The following SLIT3 variants were observed in gnomAD, a reference collection of about 807,000 sequenced individuals.
SLIT3 encodes slit guidance ligand 3.
SLIT3 carries 68 observed loss-of-function variants against 184.0 expected under a neutral mutation model. That is an observed-to-expected ratio of 0.37 (90% CI 0.30 to 0.45). SLIT3 has a LOEUF of 0.45. Among genes scored for constraint, SLIT3 ranks in the 20% least tolerant of loss-of-function variants. SLIT3 has a pLI of 1.00. For synonymous variants in SLIT3, 831 were observed against 828.6 expected, an observed-to-expected ratio of 1.00 and a Z score of -0.05; for missense variants, 1,707 against 2,026.0, an observed-to-expected ratio of 0.84 and a Z score of 3.02.
chr5:169,000,569 A>C (rs1413252051), intron 4 of SLIT3, among the ~76,000 whole-genome samples: 1 of 151,954 alleles, frequency 6.6e-6, no homozygotes, highest in African/African-American at 2.4e-5. Flanking sequence ...TCTTATGTAA[A>C]ACAAAAATTT....
chr5:169,298,770 G>A (rs1381470750), intron 1 of SLIT3, among the ~76,000 whole-genome samples: 1 of 152,220 alleles, frequency 6.6e-6, no homozygotes, highest in Non-Finnish European at 1.5e-5. Flanking sequence ...GCACGACCTT[G>A]AGTAAATGAC....
At chr5:168,879,755 A>C (rs982354483) in intron 5 of SLIT3, among the ~76,000 whole-genome samples, 1 of 152,190 alleles carries the variant, frequency 6.6e-6, no homozygotes, top group Non-Finnish European at 1.5e-5. Flanking sequence ...ATGCTGACAG[A>C]AGACTTGACA....
chr5:169,069,671 A>T (rs1426127092), intron 4 of SLIT3, among the ~76,000 whole-genome samples: 1 of 152,188 alleles, frequency 6.6e-6, no homozygotes, highest in Non-Finnish European at 1.5e-5. Flanking sequence ...ATGTTTATAC[A>T]TCATGACCCA....
chr5:169,275,476 C>G (rs563144787), intron 1 of SLIT3, among the ~76,000 whole-genome samples: 1 of 152,300 alleles, frequency 6.6e-6, no homozygotes, highest in South Asian at 2.1e-4. Context: ...GTGTCACATA[C>G]AGCATTGGAA....
Position 169,301,096 on chromosome 5 carries a change from G to T in SLIT3, c.-387C>A. ...GCGCGGCGGCTGCGGCTGGGGCACG[G>T]GGCGGCCGGGTGAGCTGGCCGGCGC... On this transcript the variant is annotated 5_prime_UTR_variant, in exon 1 of 36. Coordinates refer to ENST00000519560, the MANE Select transcript of SLIT3 (RefSeq NM_003062.4). 6.5e-6 allele frequency: 1 copy of T among 153,580 alleles called. No homozygotes were observed. The highest frequency in any genetic ancestry group is 1.8e-4 in the South Asian group (1 of 5,432). The allele number at this position is 153,580 out of a possible 1,614,324, so 9.5% of individuals were successfully genotyped here. A position where few individuals can be genotyped will look rare whatever the true frequency, so the allele number is the denominator to read the frequency against.
intron 33 of SLIT3, 38 bp from the exon 34 acceptor site, chr5:168,671,521 T>TCC (rs1561866580): frequency 6.3e-7 from 1 of 1,578,196 alleles, no homozygotes; most frequent in South Asian, 1.2e-5. Context: ...CTGAAGACCC[T>TCC]CCCCTGCCAC....
rs142864112 is a variant in SLIT3, at chr5:169,082,790, G to A, written c.413+110689C>T. 5.3e-4 allele frequency among the ~76,000 whole-genome samples: 80 copies of A among 152,196 alleles called. 2 individuals carry two copies. The Middle Eastern group carries it at 0.014, about 26-fold the overall frequency. The stretch of plus-strand genomic sequence containing the variant: ...TTGTAAGAGCCATTGTTTATCTTTC[G>A]ACCTTACATGATTGGTACCTTACAT... On this transcript the variant is annotated intron_variant, in intron 4 of 35. Coordinates refer to ENST00000519560, the MANE Select transcript of SLIT3 (RefSeq NM_003062.4).
chr5:168,748,111 T>C (rs1030201137), intron 20 of SLIT3, among the ~76,000 whole-genome samples, 191 bp downstream of exon 20: 1 of 152,176 alleles, frequency 6.6e-6, no homozygotes, highest in Non-Finnish European at 1.5e-5. Context: ...CCATGTTTCC[T>C]GTGCCCTTGT....
intron 4 of SLIT3, among the ~76,000 whole-genome samples, chr5:169,112,974 T>C (rs1005919173): frequency 6.6e-6 from 1 of 152,150 alleles, no homozygotes; most frequent in African/African-American, 2.4e-5. Context: ...TGTTTAACCA[T>C]CACTCATCAG....
At chr5:169,286,137 C>G (rs1756295093) in intron 1 of SLIT3, among the ~76,000 whole-genome samples, 1 of 152,064 alleles carries the variant, frequency 6.6e-6, no homozygotes, top group African/African-American at 2.4e-5. Flanking sequence ...AAAGACCATG[C>G]CTAAGATTAC....
chr5:168,960,062 G>A (rs1318464553), intron 4 of SLIT3, among the ~76,000 whole-genome samples: 1 of 152,224 alleles, frequency 6.6e-6, no homozygotes, highest in East Asian at 1.9e-4. Flanking sequence ...ATATAACATG[G>A]CTGGTGGCTC....
intron 5 of SLIT3, among the ~76,000 whole-genome samples, chr5:168,873,145 A>G (rs543129616): frequency 2.0e-5 from 3 of 152,114 alleles, no homozygotes; most frequent in Non-Finnish European, 2.9e-5. Context: ...TTCCCGGCCA[A>G]TCTCTCAGAA....
intron 4 of SLIT3, among the ~76,000 whole-genome samples, chr5:168,955,259 A>G (rs558942531): frequency 1.5e-3 from 234 of 152,334 alleles, no homozygotes; most frequent in Non-Finnish European, 2.8e-3. Context: ...TAGCAAATCA[A>G]TTGGGTAGTG....
intron 4 of SLIT3, among the ~76,000 whole-genome samples, chr5:168,949,400 T>C (rs1317900331): frequency 1.3e-5 from 2 of 152,192 alleles, no homozygotes; most frequent in Non-Finnish European, 2.9e-5. Flanking sequence ...TGTGGTTCCA[T>C]GAAATCTCAG....
intron 4 of SLIT3, among the ~76,000 whole-genome samples, chr5:168,948,994 C>A (rs1447227617): frequency 6.6e-6 from 1 of 152,188 alleles, no homozygotes; most frequent in South Asian, 2.1e-4. Flanking sequence ...GCCCTTCAGG[C>A]TCTTCTGCAG....
chr5:168,870,303 G>A (rs974412973), intron 5 of SLIT3, among the ~76,000 whole-genome samples: 1 of 152,244 alleles, frequency 6.6e-6, no homozygotes, highest in Non-Finnish European at 1.5e-5. Flanking sequence ...CAAGAAGGAA[G>A]GGAGAATGGC....
chr5:168,801,337 A>T (rs1756759620), intron 9 of SLIT3, among the ~76,000 whole-genome samples: 1 of 152,188 alleles, frequency 6.6e-6, no homozygotes, highest in Admixed American at 6.5e-5. Flanking sequence ...TGTGTCTTTT[A>T]AACCCCCTGG....
intron 8 of SLIT3, among the ~76,000 whole-genome samples, chr5:168,815,415 G>GT (rs59687180): frequency 3.8e-4 from 58 of 152,288 alleles, no homozygotes; most frequent in African/African-American, 1.2e-3. Context: ...GTAATGATGT[G>GT]TTTTATCATT....
chr5:169,004,192 A>C (rs1437679532), intron 4 of SLIT3, among the ~76,000 whole-genome samples: 2 of 152,072 alleles, frequency 1.3e-5, no homozygotes, highest in African/African-American at 4.8e-5. Context: ...AAAACAGAAC[A>C]ACACGAAACC....
Sources: gnomAD v4.1 joint callset for allele counts (sites outside exome capture counted in the v4.1 genomes callset) on GRCh38, gnomAD v4.1.1 for gene constraint, MANE v1.5 for transcripts, NCBI Gene and HGNC (gene_info 2026-07-23, HGNC 2026-07-21) for gene names.